The following POFUT1 variants were observed in gnomAD, a reference collection of about 807,000 sequenced individuals.
POFUT1 encodes GDP-fucose protein O-fucosyltransferase 1.
In POFUT1, 16 loss-of-function variants were observed where a neutral mutation model predicts 42.4. The observed-to-expected ratio is 0.38, with a 90% CI of 0.26 to 0.57. The LOEUF (loss-of-function observed/expected upper bound fraction) is 0.57, where lower values mean the gene tolerates loss of function less well. POFUT1 is among the 20% of genes least tolerant of loss of function. POFUT1 has a pLI of 0.71. For synonymous variants in POFUT1, 206 were observed against 205.4 expected (o/e 1.00, Z -0.03); for missense variants, 470 against 504.6 (o/e 0.93, Z 0.66).
At position 32,237,936 on chromosome 20, in the gene POFUT1, C is replaced by T. The variant is rs1216924878; in HGVS notation, c.*3275C>T. ...TATTTTTCAGTCTTTTTCAAAGATA[C>T]AAATATTTACATAGTTTTAATCATG... On this transcript the variant is annotated 3_prime_UTR_variant, in exon 7 of 7. Coordinates refer to ENST00000375749, the MANE Select transcript of POFUT1 (RefSeq NM_015352.2). 4.4e-6 allele frequency: 2 copies of T among 449,576 alleles called. No individual in the cohort carries two copies. The highest frequency in any genetic ancestry group is 4.6e-6 in the Non-Finnish European group (1 of 216,742). 27.8% of individuals were successfully genotyped at this position (449,576 alleles called of 1,614,324 possible). A position where few individuals can be genotyped will look rare whatever the true frequency, so the allele number is the denominator to read the frequency against.
rs550972707 is a variant in POFUT1 at position 32,230,814 on chromosome 20, C to T, written c.736-5C>T. 6.3e-4 allele frequency: 1,022 copies of T among 1,612,720 alleles called. 18 individuals carry two copies. In the South Asian group the frequency reaches 0.01, roughly 17 times the overall value. On this transcript the variant is annotated splice_region_variant and splice_polypyrimidine_tract_variant and intron_variant, in intron 5 of 6. Transcript: ENST00000375749. ...GTATTTAACCCTGTTCCCCGCTCTC[C>T]GTAGAAGAACGCCTGTGCCATGCTG... is the stretch of plus-strand genomic sequence containing the variant.
In POFUT1 at chr20:32,225,495, T is replaced by A. The variant is rs184191896; in HGVS notation, c.543-2768T>A. Among the ~76,000 whole-genome samples the A allele has an allele frequency of 5.0e-3, 766 of 152,064 alleles. 1 individual carries two copies. The highest frequency in any genetic ancestry group is 7.9e-3 in the Non-Finnish European group (534 of 67,976). ...AGCCACCGCGCCCGGTCAACTTTTT[T>A]AAATTTTTTTTGAGACAAGGTCTCA... is the stretch of plus-strand genomic sequence containing the variant. On this transcript the variant is annotated intron_variant, in intron 4 of 6. Coordinates refer to ENST00000375749, the MANE Select transcript of POFUT1 (RefSeq NM_015352.2).
intron 4 of POFUT1, 60 bp from the exon 5 acceptor site, chr20:32,228,203 G>A (rs2047424292): frequency 1.4e-6 from 2 of 1,423,522 alleles, no homozygotes; most frequent in Non-Finnish European, 1.9e-6. Context: ...TTTTCCCGTG[G>A]GGGTGGCAGC....
In POFUT1 at chr20:32,210,207, C is replaced by T. The variant is rs2047320032; in HGVS notation, c.246+15C>T. ...CTTTCACCAACGTGAGTACTTCCCA[C>T]TGACCTTGGCCTTTCTCCGCCCTTT... On this transcript the variant is annotated intron_variant, in intron 2 of 6. Transcript: ENST00000375749. 1.9e-6 allele frequency: 3 copies of T among 1,613,986 alleles called. No homozygotes were observed. Among genetic ancestry groups the T allele is most frequent in the East Asian group, 4.5e-5 (2 of 44,898 alleles).
At chr20:32,214,132 A>AT (rs67454108) in intron 2 of POFUT1, among the ~76,000 whole-genome samples, 10 of 149,576 alleles carry the variant, frequency 6.7e-5, no homozygotes, top group African/African-American at 1.7e-4. Flanking sequence ...AAAAAAAAAA[A>AT]TTTTTTTTTT....
At chr20:32,213,628 C>T (rs991602756) in intron 2 of POFUT1, among the ~76,000 whole-genome samples, 3 of 151,062 alleles carry the variant, frequency 2.0e-5, no homozygotes, top group Admixed American at 6.6e-5. Context: ...AAAAATTAGC[C>T]GGCGTGGTGG....
intron 6 of POFUT1, among the ~76,000 whole-genome samples, chr20:32,232,314 A>G (rs1158856721): frequency 1.1e-5 from 1 of 94,446 alleles, no homozygotes; most frequent in Non-Finnish European, 2.0e-5. Flanking sequence ...TTTAAAAAAA[A>G]GAAAGAAAGA....
intron 1 of POFUT1, among the ~76,000 whole-genome samples, chr20:32,208,458 G>T (rs1323414859): frequency 6.6e-6 from 1 of 152,048 alleles, no homozygotes; most frequent in Non-Finnish European, 1.5e-5. Flanking sequence ...TGGGAATACC[G>T]CAGTGAATAA....
Position 32,208,006 on chromosome 20 carries a change from C to A in POFUT1, c.65C>A (p.Pro22Gln), listed in dbSNP as rs772695718. 2 of 1,587,886 alleles carry A rather than the reference C, an allele frequency of 1.3e-6. No individual in the cohort carries two copies. The highest frequency in any genetic ancestry group is 4.6e-5 in the East Asian group (2 of 43,622). Residue 22 changes from proline (P) to glutamine (Q), a missense_variant, in exon 1 of 7, where the codon CCG becomes CAG. Pro to Gln is a moderately conservative substitution (Grantham distance 76, BLOSUM62 -1). Transcript: ENST00000375749. ...VSFLLLLLPL[P>Q]GMPAGSWDPA... ...TTCCTGCTGCTGCTTCTGCCGCTCC[C>A]GGGGATGCCTGCGGGCTCCTGGGAC... is the stretch of plus-strand genomic sequence containing the variant.
intron 5 of POFUT1, among the ~76,000 whole-genome samples, chr20:32,230,485 A>G (rs936312010): frequency 1.3e-5 from 2 of 151,802 alleles, no homozygotes; most frequent in African/African-American, 4.8e-5. Flanking sequence ...ACCTGAGGTC[A>G]GGAGTTCAAG....
chr20:32,213,627 C>T (rs954070883), intron 2 of POFUT1, among the ~76,000 whole-genome samples: 2 of 151,378 alleles, frequency 1.3e-5, no homozygotes, highest in African/African-American at 4.9e-5. Flanking sequence ...AAAAAATTAG[C>T]CGGCGTGGTG....
intron 4 of POFUT1, chr20:32,223,277 C>T (rs2047399412): frequency 1.0e-6 from 1 of 985,418 alleles, no homozygotes; most frequent in Non-Finnish European, 1.2e-6. Flanking sequence ...TTCTTTCCAG[C>T]CAAGATCCCT....
Position 32,228,321 on chromosome 20 carries a change from G to T in POFUT1, c.601G>T (p.Val201Phe). The change falls in exon 5 of 7, where the codon GTC (valine) becomes TTC (phenylalanine). Residue 201 changes from valine (V) to phenylalanine (F), a missense_variant. Val to Phe is a conservative substitution (Grantham distance 50). Transcript: ENST00000375749. ...ALPGAPAQFP[V>F]LEEHRPLQKY... ...GCCAGGAGCCCCAGCCCAGTTCCCC[G>T]TCCTAGAGGAACACAGGCCACTACA... The T allele has an allele frequency of 6.2e-7, 1 of 1,613,888 alleles. No individual in the cohort carries two copies. Among genetic ancestry groups the T allele is most frequent in the Non-Finnish European group, 8.5e-7 (1 of 1,179,860 alleles).
rs79297513 is a variant in POFUT1 at position 32,232,079 on chromosome 20, C to T, written c.978+1018C>T. Among the ~76,000 whole-genome samples, 998 of 152,274 alleles carry T rather than the reference C, an allele frequency of 6.6e-3. 3 individuals carry two copies. Among genetic ancestry groups the T allele is most frequent in the Middle Eastern group, 0.014 (4 of 294 alleles). ...ACACTGGGTACCGCTGGCTTTATAT[C>T]AAGGGCCTCCCCTTCTCTTTCACCC... is the stretch of plus-strand genomic sequence containing the variant. On this transcript the variant is annotated intron_variant, in intron 6 of 6. Coordinates refer to ENST00000375749, the MANE Select transcript of POFUT1 (RefSeq NM_015352.2).
intron 4 of POFUT1, 51 bp downstream of exon 4, chr20:32,216,772 A>G: frequency 1.4e-6 from 2 of 1,409,456 alleles, no homozygotes; most frequent in Non-Finnish European, 2.0e-6. Context: ...CATGGAGCTC[A>G]TGAGCATTCA....
At chr20:32,230,408 A>G (rs2047436465) in intron 5 of POFUT1, among the ~76,000 whole-genome samples, 1 of 141,546 alleles carries the variant, frequency 7.1e-6, no homozygotes, top group South Asian at 2.2e-4. Context: ...AAAAAAATGT[A>G]GTTAGGCCAG....
chr20:32,208,186 G>T, intron 1 of POFUT1, 121 bp downstream of exon 1: 2 of 1,021,738 alleles, frequency 2.0e-6, no homozygotes, highest in South Asian at 2.9e-5. Context: ...GAGCGGGACG[G>T]GGCATGCTCT....
chr20:32,235,959 C>G lies in POFUT1; in HGVS notation c.*1298C>G, dbSNP rs1358111550. ...CTGTGGGAGGAAACACTTTTTTTGT[C>G]AGGGGCAGCCTGGTTCAGAGCTCAG... On this transcript the variant is annotated 3_prime_UTR_variant, in exon 7 of 7. Transcript: ENST00000375749. 1 of 152,228 alleles carries G rather than the reference C, an allele frequency of 6.6e-6. No individual in the cohort carries two copies. Among genetic ancestry groups the G allele is most frequent in the African/African-American group, 2.4e-5 (1 of 41,444 alleles). 9.4% of individuals were successfully genotyped at this position (152,228 alleles called of 1,614,324 possible).
At chr20:32,208,220 G>C (rs950908234) in intron 1 of POFUT1, among the ~76,000 whole-genome samples, 155 bp downstream of exon 1, 3 of 152,186 alleles carry the variant, frequency 2.0e-5, no homozygotes, top group Admixed American at 6.5e-5. Context: ...TTAGTTGCAA[G>C]GGCACAGAGG....
Sources: gnomAD v4.1 joint callset for allele counts (sites outside exome capture counted in the v4.1 genomes callset) on GRCh38, gnomAD v4.1.1 for gene constraint, MANE v1.5 for transcripts, NCBI Gene and HGNC (gene_info 2026-07-23, HGNC 2026-07-21) for gene names.